The following SH3RF3 variants were observed in gnomAD, a reference collection of about 807,000 sequenced individuals.
The protein encoded by SH3RF3 is SH3 domain containing ring finger 3, also known as E3 ubiquitin-protein ligase SH3RF3.
In SH3RF3, 29 loss-of-function variants were observed where a neutral mutation model predicts 66.3. That is an observed-to-expected ratio of 0.44 (90% CI 0.33 to 0.60). The LOEUF (loss-of-function observed/expected upper bound fraction) is 0.60, where lower values mean the gene tolerates loss of function less well. Among genes scored for constraint, SH3RF3 ranks in the 20% least tolerant of loss-of-function variants. SH3RF3 has a pLI of 0.04. For missense variants in SH3RF3, 1,194 were observed against 1,190.9 expected, an observed-to-expected ratio of 1.00 and a Z score of -0.04; for synonymous variants, 583 against 532.0, an observed-to-expected ratio of 1.10 and a Z score of -1.32.
intron 1 of SH3RF3, among the ~76,000 whole-genome samples, chr2:109,258,431 C>T (rs1479086869): frequency 6.6e-6 from 1 of 152,190 alleles, no homozygotes; most frequent in African/African-American, 2.4e-5. Flanking sequence ...GGCTTTGTCA[C>T]CTCCTGGGTA....
chr2:109,442,182 G>A (rs1240301865), intron 7 of SH3RF3, among the ~76,000 whole-genome samples: 2 of 151,954 alleles, frequency 1.3e-5, no homozygotes, highest in Non-Finnish European at 2.9e-5. Flanking sequence ...GTGTTGGCGG[G>A]CGCCTGTAGT....
At chr2:109,314,604 T>C (rs1476282747) in intron 1 of SH3RF3, among the ~76,000 whole-genome samples, 1 of 152,260 alleles carries the variant, frequency 6.6e-6, no homozygotes, top group Non-Finnish European at 1.5e-5. Flanking sequence ...TTAATTTGCA[T>C]GTGTCTGTCA....
intron 1 of SH3RF3, among the ~76,000 whole-genome samples, chr2:109,213,535 A>G (rs949326613): frequency 3.3e-5 from 5 of 152,150 alleles, no homozygotes; most frequent in Non-Finnish European, 5.9e-5. Context: ...TGAAGCCTCT[A>G]TCACCTAACA....
intron 1 of SH3RF3, among the ~76,000 whole-genome samples, chr2:109,252,944 C>G (rs1399088249): frequency 6.6e-6 from 1 of 152,202 alleles, no homozygotes; most frequent in Non-Finnish European, 1.5e-5. Flanking sequence ...TGACTGTAGT[C>G]AATCACCCTA....
At chr2:109,137,291 C>T (rs1430321108) in intron 1 of SH3RF3, among the ~76,000 whole-genome samples, 2 of 152,174 alleles carry the variant, frequency 1.3e-5, no homozygotes, top group African/African-American at 4.8e-5. Flanking sequence ...TGCACTTCTT[C>T]TTTCTGAATC....
intron 8 of SH3RF3, among the ~76,000 whole-genome samples, chr2:109,454,524 C>T (rs1162202430): frequency 6.6e-6 from 1 of 152,182 alleles, no homozygotes; most frequent in African/African-American, 2.4e-5. Flanking sequence ...TGAGAGCGCT[C>T]CCGCCGGCTG....
At chr2:109,431,174 G>A (rs186235192) in intron 5 of SH3RF3, among the ~76,000 whole-genome samples, 2 of 152,226 alleles carry the variant, frequency 1.3e-5, no homozygotes, top group African/African-American at 4.8e-5. Context: ...GCAATGGTGG[G>A]GTCTATGAGC....
intron 1 of SH3RF3, among the ~76,000 whole-genome samples, chr2:109,317,344 C>T (rs1363117867): frequency 6.6e-6 from 1 of 152,090 alleles, no homozygotes; most frequent in Non-Finnish European, 1.5e-5. Context: ...GGCAGGTGGG[C>T]AGGTGCCGCC....
intron 2 of SH3RF3, among the ~76,000 whole-genome samples, chr2:109,360,410 A>T (rs1215254495): frequency 6.6e-6 from 1 of 152,210 alleles, no homozygotes; most frequent in Non-Finnish European, 1.5e-5. Flanking sequence ...CGATGTACAC[A>T]AACTTTGTTT....
At chr2:109,139,092 T>C (rs2104823594) in intron 1 of SH3RF3, among the ~76,000 whole-genome samples, 1 of 152,346 alleles carries the variant, frequency 6.6e-6, no homozygotes, top group Middle Eastern at 3.4e-3. Flanking sequence ...TGTATCCACA[T>C]CTTTACTCTT....
chr2:109,503,408 C>T lies in SH3RF3; in HGVS notation c.*1737C>T, dbSNP rs1414524278. ...ACGTGACTTGGCTACTTGTTACTTCCAGGTGGTCACCACACGGCGGGGGTC... is the reference window on the plus strand; with the variant it reads ...ACGTGACTTGGCTACTTGTTACTTCTAGGTGGTCACCACACGGCGGGGGTC... On this transcript the variant is annotated 3_prime_UTR_variant, in exon 10 of 10. Coordinates refer to ENST00000309415, the MANE Select transcript of SH3RF3 (RefSeq NM_001099289.3). 3.9e-5 allele frequency: 6 copies of T among 152,122 alleles called. No homozygotes were observed. 9.4% of individuals were successfully genotyped at this position (152,122 alleles called of 1,614,324 possible).
chr2:109,129,456 G>C lies in SH3RF3; in HGVS notation c.-85G>C, dbSNP rs772476903. On this transcript the variant is annotated 5_prime_UTR_variant, in exon 1 of 10. Coordinates refer to ENST00000309415, the MANE Select transcript of SH3RF3 (RefSeq NM_001099289.3). ...AGTCACGGCGGAGCCCGGCTCCCCA[G>C]TCCTGATGCTGGCTGCCGGTGGCGG... is the stretch of plus-strand genomic sequence containing the variant. The C allele has an allele frequency of 1.3e-6, 2 of 1,495,256 alleles. No individual in the cohort carries two copies. Among genetic ancestry groups the C allele is most frequent in the South Asian group, 1.2e-5 (1 of 80,516 alleles). 92.6% of individuals were successfully genotyped at this position (1,495,256 alleles called of 1,614,324 possible).
chr2:109,194,632 C>T (rs938488029), intron 1 of SH3RF3, among the ~76,000 whole-genome samples: 1 of 152,222 alleles, frequency 6.6e-6, no homozygotes, highest in African/African-American at 2.4e-5. Context: ...TTTGTATCTT[C>T]TGCATATACA....
intron 1 of SH3RF3, among the ~76,000 whole-genome samples, chr2:109,152,024 A>T (rs1185064622): frequency 6.6e-6 from 1 of 152,242 alleles, no homozygotes. Flanking sequence ...AAATTTCCCA[A>T]TGGGAAGTTA....
intron 9 of SH3RF3, among the ~76,000 whole-genome samples, chr2:109,498,232 C>T (rs1679301889): frequency 6.6e-6 from 1 of 152,212 alleles, no homozygotes; most frequent in Non-Finnish European, 1.5e-5. Context: ...AACCATCGTG[C>T]ACCCGTAGAT....
chr2:109,461,835 C>T (rs1037041808), intron 8 of SH3RF3, among the ~76,000 whole-genome samples: 18 of 152,208 alleles, frequency 1.2e-4, no homozygotes, highest in African/African-American at 3.9e-4. Context: ...CTAGGTCCTA[C>T]TCAAAACTAT....
intron 2 of SH3RF3, among the ~76,000 whole-genome samples, chr2:109,349,182 G>C (rs1328425530): frequency 6.6e-6 from 1 of 152,088 alleles, no homozygotes; most frequent in East Asian, 1.9e-4. Context: ...GGCACTCTCT[G>C]GAGGGCGGTA....
chr2:109,201,712 A>G (rs1678680319), intron 1 of SH3RF3, among the ~76,000 whole-genome samples: 1 of 152,238 alleles, frequency 6.6e-6, no homozygotes, highest in Non-Finnish European at 1.5e-5. Context: ...TGCGCCTTGC[A>G]TGGAGAGCCA....
intron 5 of SH3RF3, among the ~76,000 whole-genome samples, chr2:109,421,221 A>C (rs1559074453): frequency 1.3e-5 from 2 of 152,194 alleles, no homozygotes; most frequent in African/African-American, 4.8e-5. Context: ...GAGTTTCCCA[A>C]ATGAGAGGCA....
Sources: gnomAD v4.1 joint callset for allele counts (sites outside exome capture counted in the v4.1 genomes callset) on GRCh38, gnomAD v4.1.1 for gene constraint, MANE v1.5 for transcripts, NCBI Gene and HGNC (gene_info 2026-07-23, HGNC 2026-07-21) for gene names.